ULK4: variants seen among roughly 807,000 people sequenced by gnomAD.
The protein encoded by ULK4 is inactive serine/threonine-protein kinase ULK4.
A neutral mutation model predicts 160.6 loss-of-function variants in ULK4; 133 were observed. The observed-to-expected ratio is 0.83, with a 90% CI of 0.72 to 0.96. The LOEUF is 0.96. Among genes scored for constraint, ULK4 ranks in the 40% least tolerant of loss-of-function variants. ULK4 has a pLI of 0.00. For missense variants in ULK4, 1,580 were observed against 1,499.5 expected (o/e 1.05, Z -0.89); for synonymous variants, 534 against 539.8 (o/e 0.99, Z 0.15).
intron 22 of ULK4, among the ~76,000 whole-genome samples, chr3:41,733,776 C>A (rs1355727567): frequency 7.2e-6 from 1 of 138,818 alleles, no homozygotes; most frequent in Non-Finnish European, 1.5e-5. Flanking sequence ...ATCCTGTCTC[C>A]CAGGCTGGAG....
intron 32 of ULK4, among the ~76,000 whole-genome samples, chr3:41,561,075 G>C (rs139910665): frequency 6.6e-6 from 1 of 152,164 alleles, no homozygotes. Flanking sequence ...TAGCATGAAG[G>C]ACTGTTGAAT....
chr3:41,770,124 A>G (rs1237623779), intron 21 of ULK4, among the ~76,000 whole-genome samples: 3 of 152,252 alleles, frequency 2.0e-5, no homozygotes, highest in Non-Finnish European at 2.9e-5. Context: ...ATCACAATAT[A>G]CACACATAAT....
In ULK4 at chr3:41,558,940, T is replaced by C. The variant is rs1212606736; in HGVS notation, c.3226+7085A>G. 3.5e-5 allele frequency among the ~76,000 whole-genome samples: 5 copies of C among 140,936 alleles called. No homozygotes were observed. The Admixed American group carries it at 3.7e-4, about 10-fold the overall frequency. 92.5% of individuals were successfully genotyped at this position (140,936 alleles called of 152,430 possible). The stretch of plus-strand genomic sequence containing the variant: ...GTGCACAACGTGCAGGTTAGTTACA[T>C]ATGTATACATGTGCCATGCTGGTGT... On this transcript the variant is annotated intron_variant, in intron 32 of 36. Coordinates refer to ENST00000301831, the MANE Select transcript of ULK4 (RefSeq NM_017886.4).
At chr3:41,648,277 G>C (rs1033938605) in intron 30 of ULK4, among the ~76,000 whole-genome samples, 2 of 152,108 alleles carry the variant, frequency 1.3e-5, no homozygotes, top group Non-Finnish European at 2.9e-5. Flanking sequence ...AGAAATCACC[G>C]GTCTTCTGTG....
chr3:41,834,564 A>G (rs73830516), intron 18 of ULK4, among the ~76,000 whole-genome samples: 17,998 of 152,278 alleles, frequency 0.12, 1,295 homozygotes, highest in Middle Eastern at 0.27. Flanking sequence ...AAGAATGAAG[A>G]GGACGGATTT....
At chr3:41,926,084 A>G (rs1323964945) in intron 5 of ULK4, among the ~76,000 whole-genome samples, 1 of 152,070 alleles carries the variant, frequency 6.6e-6, no homozygotes, top group Admixed American at 6.6e-5. Flanking sequence ...GCCAGCAGAC[A>G]CCTCATACAG....
intron 7 of ULK4, among the ~76,000 whole-genome samples, chr3:41,917,059 C>T (rs1195663523): frequency 6.6e-6 from 1 of 152,136 alleles, no homozygotes; most frequent in Non-Finnish European, 1.5e-5. Context: ...CTAACTTGAA[C>T]AACTAAGAAT....
In ULK4 at chr3:41,514,814, G is replaced by A. The variant is rs571716528; in HGVS notation, c.3226+51211C>T. ...GAGGAAGGATGAGAAACTGGTTAACGGGTGCAATGTATGCTATTCTGTTGA... is the reference window on the plus strand; with the variant it reads ...GAGGAAGGATGAGAAACTGGTTAACAGGTGCAATGTATGCTATTCTGTTGA... On this transcript the variant is annotated intron_variant, in intron 32 of 36. Transcript: ENST00000301831. Among the ~76,000 whole-genome samples the A allele has an allele frequency of 2.8e-4, 43 of 152,188 alleles. No individual in the cohort carries two copies. In the South Asian group the frequency reaches 6.6e-3, roughly 23 times the overall value.
chr3:41,442,008 C>A (rs1191458043), intron 34 of ULK4, among the ~76,000 whole-genome samples: 2 of 152,104 alleles, frequency 1.3e-5, no homozygotes, highest in Non-Finnish European at 2.9e-5. Flanking sequence ...ATTAGTGTAA[C>A]CATGGTGCAT....
chr3:41,809,284 A>AT (rs2040749580), intron 19 of ULK4, among the ~76,000 whole-genome samples: 1 of 151,900 alleles, frequency 6.6e-6, no homozygotes, highest in South Asian at 2.1e-4. Context: ...CTTTCAGAGG[A>AT]TAGGGTTGTC....
intron 17 of ULK4, among the ~76,000 whole-genome samples, chr3:41,868,075 A>C (rs1696962153): frequency 6.6e-6 from 1 of 152,216 alleles, no homozygotes; most frequent in African/African-American, 2.4e-5. Context: ...TGCTTTCAAA[A>C]TAAAGGTATT....
intron 11 of ULK4, among the ~76,000 whole-genome samples, chr3:41,910,957 T>C (rs763030726): frequency 9.2e-5 from 14 of 152,224 alleles, no homozygotes; most frequent in Non-Finnish European, 1.9e-4. Flanking sequence ...ACGGAGATCT[T>C]GTCTCAAAAA....
intron 35 of ULK4, among the ~76,000 whole-genome samples, chr3:41,328,805 G>T (rs1190662926): frequency 6.6e-6 from 1 of 152,112 alleles, no homozygotes; most frequent in Non-Finnish European, 1.5e-5. Flanking sequence ...CACGGAGTGG[G>T]GTGGGCACGT....
chr3:41,326,421 TAAAGA>T (rs2080339098), intron 35 of ULK4, among the ~76,000 whole-genome samples: 1 of 151,160 alleles, frequency 6.6e-6, no homozygotes. Flanking sequence ...GTATTAACCT[TAAAGA>T]GAGTTATATT....
chr3:41,736,154 G>A lies in ULK4; in HGVS notation c.2321+18207C>T, dbSNP rs539538715. On this transcript the variant is annotated intron_variant, in intron 22 of 36. Transcript: ENST00000301831. Reference sequence around the variant, plus strand: ...GTGAATAATGCCACAATAAACATACGTGTGCATGTGTCTTTATAGCAGCAT... The same window carrying A: ...GTGAATAATGCCACAATAAACATACATGTGCATGTGTCTTTATAGCAGCAT... Among the ~76,000 whole-genome samples the A allele has an allele frequency of 2.0e-4, 30 of 151,550 alleles. 1 individual carries two copies. The highest frequency in any genetic ancestry group is 1.6e-3 in the Admixed American group (24 of 15,254).
intron 2 of ULK4, among the ~76,000 whole-genome samples, chr3:41,953,548 T>A: frequency 6.6e-6 from 1 of 151,158 alleles, no homozygotes; most frequent in East Asian, 2.0e-4. Context: ...GGATTACAGG[T>A]GTGAGCCACC....
At chr3:41,329,019 C>T (rs1176849623) in intron 35 of ULK4, among the ~76,000 whole-genome samples, 1 of 152,186 alleles carries the variant, frequency 6.6e-6, no homozygotes, top group Non-Finnish European at 1.5e-5. Flanking sequence ...AAACTTTCCA[C>T]CACTGAAAAA....
chr3:41,612,135 G>C (rs2032712657), intron 31 of ULK4, among the ~76,000 whole-genome samples: 1 of 152,156 alleles, frequency 6.6e-6, no homozygotes, highest in Admixed American at 6.5e-5. Flanking sequence ...AAAGTATACA[G>C]AAGGATGTGC....
At chr3:41,441,325 C>T (rs2083163352) in intron 34 of ULK4, among the ~76,000 whole-genome samples, 1 of 152,004 alleles carries the variant, frequency 6.6e-6, no homozygotes, top group African/African-American at 2.4e-5. Flanking sequence ...TTAGGAGCAT[C>T]CCACAAATTC....
Sources: allele counts gnomAD v4.1 joint callset (sites outside exome capture counted in the v4.1 genomes callset), GRCh38; gene constraint gnomAD v4.1.1; transcripts MANE v1.5; gene names NCBI Gene and HGNC (gene_info 2026-07-23, HGNC 2026-07-21).